Variants in BACH2 observed in about 807,000 individuals in gnomAD.
BACH2 encodes BACH transcriptional regulator 2.
A neutral mutation model predicts 61.8 loss-of-function variants in BACH2; 5 were observed. The ratio of observed to expected loss-of-function variants is 0.08; its 90% CI spans 0.04 to 0.17. BACH2 has a LOEUF of 0.17. Among genes scored for constraint, BACH2 ranks in the 10% least tolerant of loss-of-function variants. The probability of loss-of-function intolerance (pLI) is 1.00; values close to 1 mark genes in which losing one functional copy is unlikely to be tolerated. For synonymous variants in BACH2, 446 were observed against 440.1 expected (o/e 1.01, Z -0.17); for missense variants, 824 against 1,091.1 (o/e 0.76, Z 3.45).
intron 4 of BACH2, among the ~76,000 whole-genome samples, chr6:90,101,119 T>C (rs1782607608): frequency 6.6e-6 from 1 of 152,190 alleles, no homozygotes; most frequent in African/African-American, 2.4e-5. Context: ...GCTGTAAGAA[T>C]TCTTTATATA....
At chr6:90,103,010 T>C (rs867662062) in intron 4 of BACH2, among the ~76,000 whole-genome samples, 3 of 32,870 alleles carry the variant, frequency 9.1e-5, no homozygotes, top group African/African-American at 4.5e-4. Context: ...ACAATACATA[T>C]ATATATATAT....
At chr6:90,123,211 AGAG>A (rs1783704262) in intron 4 of BACH2, among the ~76,000 whole-genome samples, 1 of 152,182 alleles carries the variant, frequency 6.6e-6, no homozygotes, top group African/African-American at 2.4e-5. Flanking sequence ...GGCCAAGAGA[AGAG>A]AAGAAGACAG....
rs1772661818 is a variant in BACH2 at position 89,931,833 on chromosome 6, CA to C, written c.*574del. On this transcript the variant is annotated 3_prime_UTR_variant, in exon 9 of 9. Transcript: ENST00000257749. ...ACAGTTACCAAACTAGTTCTAGCATCAGAGACAAAAGAAGAGGAATGTTGGA... is the reference window on the plus strand; with the variant it reads ...ACAGTTACCAAACTAGTTCTAGCATCGAGACAAAAGAAGAGGAATGTTGGA... 6.6e-6 allele frequency: 1 copy of C among 152,100 alleles called. No individual in the cohort carries two copies. The highest frequency in any genetic ancestry group is 1.9e-4 in the East Asian group (1 of 5,314). 9.4% of individuals were successfully genotyped at this position (152,100 alleles called of 1,614,324 possible).
intron 5 of BACH2, among the ~76,000 whole-genome samples, chr6:90,033,675 T>C (rs1779124494): frequency 6.6e-6 from 1 of 152,102 alleles, no homozygotes; most frequent in Non-Finnish European, 1.5e-5. Context: ...TTCAAAATTC[T>C]TTGAAAGAAA....
chr6:90,219,878 C>T (rs960235229), intron 3 of BACH2, among the ~76,000 whole-genome samples: 7 of 152,110 alleles, frequency 4.6e-5, no homozygotes, highest in Non-Finnish European at 8.8e-5. Flanking sequence ...GATGACATAC[C>T]ACCACTGCAA....
At chr6:90,219,565 G>A (rs1355505093) in intron 3 of BACH2, among the ~76,000 whole-genome samples, 2 of 152,118 alleles carry the variant, frequency 1.3e-5, no homozygotes, top group Non-Finnish European at 2.9e-5. Context: ...ACATGGCAGC[G>A]GCAGAGCCAT....
At chr6:90,155,797 G>T (rs190571657) in intron 4 of BACH2, among the ~76,000 whole-genome samples, 33 of 152,150 alleles carry the variant, frequency 2.2e-4, no homozygotes, top group South Asian at 1.9e-3. Context: ...TAGAATAGAA[G>T]CTCTAAGAGG....
At chr6:90,138,043 C>G (rs1380868765) in intron 4 of BACH2, among the ~76,000 whole-genome samples, 1 of 145,770 alleles carries the variant, frequency 6.9e-6, no homozygotes, top group Non-Finnish European at 1.5e-5. Context: ...CATGACTATT[C>G]TAATCATAAA....
At chr6:90,207,273 T>C (rs990301771) in intron 3 of BACH2, among the ~76,000 whole-genome samples, 2 of 151,990 alleles carry the variant, frequency 1.3e-5, no homozygotes, top group Non-Finnish European at 2.9e-5. Flanking sequence ...CGTGCACCAC[T>C]ATGTCCAGCT....
At chr6:90,244,740 C>G (rs1331450137) in intron 3 of BACH2, among the ~76,000 whole-genome samples, 1 of 152,308 alleles carries the variant, frequency 6.6e-6, no homozygotes, top group Non-Finnish European at 1.5e-5. Context: ...TGTTTACCTA[C>G]TGCACTTGAC....
chr6:90,106,782 T>G (rs1782939460), intron 4 of BACH2, among the ~76,000 whole-genome samples: 1 of 152,204 alleles, frequency 6.6e-6, no homozygotes, highest in South Asian at 2.1e-4. Flanking sequence ...AATTATTATG[T>G]ACCACATCAC....
intron 3 of BACH2, among the ~76,000 whole-genome samples, chr6:90,244,046 T>G (rs1206559444): frequency 1.3e-5 from 2 of 152,126 alleles, no homozygotes; most frequent in Non-Finnish European, 2.9e-5. Context: ...CTCAGCCTCC[T>G]GAGTAGCTGG....
intron 4 of BACH2, among the ~76,000 whole-genome samples, chr6:90,159,815 G>C (rs1016084473): frequency 7.9e-5 from 12 of 152,256 alleles, no homozygotes; most frequent in African/African-American, 2.4e-4. Context: ...AGGAGGAATA[G>C]TGCTTATTTT....
intron 6 of BACH2, among the ~76,000 whole-genome samples, chr6:89,997,611 G>A (rs961406531): frequency 1.3e-5 from 2 of 152,222 alleles, no homozygotes; most frequent in African/African-American, 4.8e-5. Flanking sequence ...AGAGCAAGAC[G>A]CTTGAGGGTC....
At chr6:90,184,216 C>T (rs1273287333) in intron 4 of BACH2, among the ~76,000 whole-genome samples, 1 of 152,206 alleles carries the variant, frequency 6.6e-6, no homozygotes, top group Non-Finnish European at 1.5e-5. Context: ...TGATTAACTA[C>T]TGAAACATGC....
At chr6:90,283,508 T>C (rs1205847658) in intron 1 of BACH2, among the ~76,000 whole-genome samples, 1 of 151,992 alleles carries the variant, frequency 6.6e-6, no homozygotes. Flanking sequence ...CCCGAGCAGC[T>C]GGGACTACAG....
chr6:90,246,322 A>C (rs1398121813), intron 3 of BACH2, among the ~76,000 whole-genome samples: 4 of 152,226 alleles, frequency 2.6e-5, no homozygotes, highest in African/African-American at 9.6e-5. Flanking sequence ...AAGTTATAAA[A>C]CATCAATTTT....
chr6:90,291,786 G>A (rs896737563), intron 1 of BACH2, among the ~76,000 whole-genome samples: 2 of 152,154 alleles, frequency 1.3e-5, no homozygotes, highest in African/African-American at 4.8e-5. Flanking sequence ...ATACAGAAGC[G>A]ATTTTCCGTC....
At chr6:90,213,538 A>C (rs934276404) in intron 3 of BACH2, among the ~76,000 whole-genome samples, 1 of 152,070 alleles carries the variant, frequency 6.6e-6, no homozygotes, top group Non-Finnish European at 1.5e-5. Context: ...AGGCAAAGAG[A>C]GATAGGGGCC....
Sources: allele counts gnomAD v4.1 joint callset (sites outside exome capture counted in the v4.1 genomes callset), GRCh38; gene constraint gnomAD v4.1.1; transcripts MANE v1.5; gene names NCBI Gene and HGNC (gene_info 2026-07-23, HGNC 2026-07-21).